USP2: variants seen among roughly 807,000 people sequenced by gnomAD.
The protein encoded by USP2 is ubiquitin carboxyl-terminal hydrolase 2.
USP2 carries 33 observed loss-of-function variants against 72.0 expected under a neutral mutation model. The ratio of observed to expected loss-of-function variants is 0.46; its 90% confidence interval spans 0.35 to 0.61. The LOEUF (loss-of-function observed/expected upper bound fraction) is 0.61. Among genes scored for constraint, USP2 ranks in the 20% least tolerant of loss-of-function variants. The probability of loss-of-function intolerance (pLI) is 0.01; values close to 1 mark genes in which losing one functional copy is unlikely to be tolerated. For synonymous variants in USP2, 296 were observed against 312.5 expected, an observed-to-expected ratio of 0.95 and a Z score of 0.56; for missense variants, 691 against 797.8, an observed-to-expected ratio of 0.87 and a Z score of 1.61.
In USP2 at chr11:119,356,633, C is replaced by T. The variant is rs568993140; in HGVS notation, c.*202G>A. 1.8e-4 allele frequency: 101 copies of T among 573,878 alleles called. No individual in the cohort carries two copies. The highest frequency in any genetic ancestry group is 1.3e-3 in the African/African-American group (67 of 51,706). The allele number at this position is 573,878 out of a possible 1,614,324, so 35.5% of individuals were successfully genotyped here. ...GCTGGCTCCACGTCCAGGCGATCTT[C>T]CCTGCCGGGCCACAGCTCAGGAAAG... On this transcript the variant is annotated 3_prime_UTR_variant, in exon 13 of 13. Transcript: ENST00000260187.
In USP2 at chr11:119,357,468, C is replaced by T. The variant is rs760208857; in HGVS notation, c.1609+15G>A. The T allele has an allele frequency of 4.1e-5, 66 of 1,613,938 alleles. 2 individuals carry two copies. The South Asian group carries it at 6.8e-4, about 17-fold the overall frequency. On this transcript the variant is annotated intron_variant, in intron 11 of 12. Coordinates refer to ENST00000260187, the MANE Select transcript of USP2 (RefSeq NM_004205.5). ...CTGCGTCTTCATTCTGCCCTGCCTA[C>T]TCAAAGATACTCACTGGTGTTTTCT...
chr11:119,363,814 C>T (rs1314671354), intron 2 of USP2: 3 of 1,379,704 alleles, frequency 2.2e-6, no homozygotes, highest in Middle Eastern at 2.2e-4. Flanking sequence ...ACCCCAGGCC[C>T]TCGGCGCGGG....
At chr11:119,364,891 A>G (rs1354285295) in intron 2 of USP2, among the ~76,000 whole-genome samples, 1 of 152,014 alleles carries the variant, frequency 6.6e-6, no homozygotes, top group Non-Finnish European at 1.5e-5. Flanking sequence ...CTAACCAATT[A>G]CCCAGCTCCG....
intron 2 of USP2, among the ~76,000 whole-genome samples, chr11:119,371,543 TA>T (rs993158985): frequency 3.9e-4 from 59 of 152,142 alleles, no homozygotes; most frequent in African/African-American, 1.4e-3. Flanking sequence ...CAAGACTCCC[TA>T]AGTCATATTA....
chr11:119,357,682 C>G lies in USP2; in HGVS notation c.1501+75G>C, dbSNP rs961898073. On this transcript the variant is annotated intron_variant, in intron 10 of 12. Coordinates refer to ENST00000260187, the MANE Select transcript of USP2 (RefSeq NM_004205.5). ...ACAAGGTCCGTTTCTTCCGACTGTTCCCCTCACCTATGGGCCCCTTGTCAT... is the reference window on the plus strand; with the variant it reads ...ACAAGGTCCGTTTCTTCCGACTGTTGCCCTCACCTATGGGCCCCTTGTCAT... The G allele has an allele frequency of 1.4e-5, 22 of 1,613,252 alleles. 2 individuals carry two copies. The Admixed American group carries it at 3.7e-4, about 27-fold the overall frequency.
intron 1 of USP2, chr11:119,379,371 GT>G: frequency 1.4e-6 from 1 of 701,502 alleles, no homozygotes; most frequent in Non-Finnish European, 1.8e-6. Context: ...GCACAGAGGG[GT>G]GGGGGTGGAA....
chr11:119,373,373 C>T lies in USP2; in HGVS notation c.108G>A (p.Gly36=), dbSNP rs1950960787. 1 of 1,611,718 alleles carries T rather than the reference C, an allele frequency of 6.2e-7. No homozygotes were observed. Among genetic ancestry groups the T allele is most frequent in the Non-Finnish European group, 8.5e-7 (1 of 1,179,982 alleles). Residue 36 remains glycine (G), a synonymous_variant, in exon 2 of 13, where the codon GGG becomes GGA. Coordinates refer to ENST00000260187, the MANE Select transcript of USP2 (RefSeq NM_004205.5). ...GYGAYTPSSY[G]ANLAASLLEK... ...CCAGTAAGGAGGCAGCCAGATTGGC[C>T]CCATAGGAGGACGGGGTGTAGGCAC...
chr11:119,364,125 G>C lies in USP2; in HGVS notation c.775-3891C>G. On this transcript the variant is annotated intron_variant, in intron 2 of 12. Transcript: ENST00000260187. Reference sequence around the variant, plus strand: ...ACCGCTACAGGACAGCGTCCGCGGCGCCCGAACGCGCGCTCCTCCGCCTCA... The same window carrying C: ...ACCGCTACAGGACAGCGTCCGCGGCCCCCGAACGCGCGCTCCTCCGCCTCA... 3 of 1,221,768 alleles carry C rather than the reference G, an allele frequency of 2.5e-6. No homozygotes were observed. In the South Asian group the frequency reaches 1.3e-4, roughly 51 times the overall value. 75.7% of individuals were successfully genotyped at this position (1,221,768 alleles called of 1,614,324 possible).
At position 119,356,913 on chromosome 11, in the gene USP2, G is replaced by C; in HGVS notation, c.1740C>G (p.Pro580=). 3 of 1,560,250 alleles carry C rather than the reference G, an allele frequency of 1.9e-6. No homozygotes were observed. The highest frequency in any genetic ancestry group is 2.6e-6 in the Non-Finnish European group (3 of 1,152,648). The change falls in exon 13 of 13, where the codon CCC becomes CCG. Residue 580 remains proline, a synonymous_variant. Coordinates refer to ENST00000260187, the MANE Select transcript of USP2 (RefSeq NM_004205.5). ...TGGTGCGCACTTGGCTGGAGGACAT[G>C]GGAGTGACGCTGCGGAGAGAGCGGG... ...WHTFNDSSVT[P]MSSSQVRTSD...
intron 6 of USP2, 39 bp from the exon 7 acceptor site, chr11:119,358,876 A>G (rs201636268): frequency 2.5e-6 from 4 of 1,611,764 alleles, no homozygotes; most frequent in South Asian, 1.1e-5. Context: ...GTCAAAGCTC[A>G]AAACTTAAGT....
intron 12 of USP2, 106 bp downstream of exon 12, chr11:119,357,081 A>C: frequency 1.4e-6 from 1 of 716,708 alleles, no homozygotes; most frequent in Non-Finnish European, 1.8e-6. Flanking sequence ...TTCTCGGTGT[A>C]AGCCGTGCGG....
chr11:119,363,489 G>A (rs1443719528), intron 2 of USP2, among the ~76,000 whole-genome samples: 1 of 152,100 alleles, frequency 6.6e-6, no homozygotes, highest in Non-Finnish European at 1.5e-5. Flanking sequence ...GGAGTACCCC[G>A]GCACGGTCCA....
intron 6 of USP2, 86 bp downstream of exon 6, chr11:119,358,938 T>A: frequency 6.3e-7 from 1 of 1,588,226 alleles, no homozygotes; most frequent in Non-Finnish European, 8.6e-7. Context: ...ATCAGATTAT[T>A]CCCAAATCAT....
chr11:119,377,076 A>G lies in USP2; in HGVS notation c.-41-3555T>C, dbSNP rs945900195. On this transcript the variant is annotated intron_variant, in intron 1 of 12. Transcript: ENST00000260187. ...CTTTCAAATGAAGTTTTTAGCATTCATATTTCTGAAGTTATTAAAGCTTAA... is the reference window on the plus strand; with the variant it reads ...CTTTCAAATGAAGTTTTTAGCATTCGTATTTCTGAAGTTATTAAAGCTTAA... Among the ~76,000 whole-genome samples, 8 of 152,250 alleles carry G rather than the reference A, an allele frequency of 5.3e-5. No homozygotes were observed. The East Asian group carries it at 1.2e-3, about 22-fold the overall frequency.
intron 2 of USP2, among the ~76,000 whole-genome samples, chr11:119,361,569 A>G (rs1236393132): frequency 2.8e-5 from 4 of 140,958 alleles, no homozygotes; most frequent in African/African-American, 7.7e-5. Flanking sequence ...CTGACAGCCT[A>G]TGAGGCTGTC....
Position 119,357,881 on chromosome 11 carries a change from G to T in USP2, c.1423-46C>A. 2.5e-6 allele frequency: 4 copies of T among 1,612,954 alleles called. No individual in the cohort carries two copies. In the South Asian group the frequency reaches 3.3e-5, roughly 13 times the overall value. On this transcript the variant is annotated intron_variant, in intron 9 of 12. Transcript: ENST00000260187. Reference sequence around the variant, plus strand: ...AAAGAACTTGTGGGGAAGTCAGTGGGCCCCAATCCAGTCACTCCTCAACTG... The same window carrying T: ...AAAGAACTTGTGGGGAAGTCAGTGGTCCCCAATCCAGTCACTCCTCAACTG...
chr11:119,357,097 G>T, intron 12 of USP2, 90 bp downstream of exon 12: 3 of 1,208,072 alleles, frequency 2.5e-6, no homozygotes, highest in Non-Finnish European at 3.3e-6. Flanking sequence ...TGCGGGGGGT[G>T]GGAGGGGGGT....
intron 3 of USP2, 35 bp from the exon 4 acceptor site, chr11:119,359,695 G>C (rs774723525): frequency 4.4e-6 from 7 of 1,607,814 alleles, no homozygotes; most frequent in Admixed American, 3.3e-5. Flanking sequence ...GTGGGGAGAC[G>C]AGAGTCCCAC....
chr11:119,377,760 G>T (rs1951019437), intron 1 of USP2, among the ~76,000 whole-genome samples: 1 of 152,162 alleles, frequency 6.6e-6, no homozygotes, highest in African/African-American at 2.4e-5. Context: ...CTTTGCTTCA[G>T]CCACTGTCAT....
Sources: allele counts gnomAD v4.1 joint callset (sites outside exome capture counted in the v4.1 genomes callset), GRCh38; gene constraint gnomAD v4.1.1; transcripts MANE v1.5; gene names NCBI Gene and HGNC (gene_info 2026-07-23, HGNC 2026-07-21).